FGF13: variants seen among roughly 807,000 people sequenced by gnomAD.
The protein encoded by FGF13 is fibroblast growth factor 13.
In FGF13, 2 loss-of-function variants were observed where a neutral mutation model predicts 19.5. The observed-to-expected ratio is 0.10, with a 90% confidence interval of 0.04 to 0.32. FGF13 has a LOEUF of 0.32. Among genes scored for constraint, FGF13 ranks in the 10% least tolerant of loss-of-function variants. The probability of loss-of-function intolerance (pLI) is 1.00; values close to 1 mark genes in which losing one functional copy is unlikely to be tolerated. For synonymous variants in FGF13, 72 were observed against 76.9 expected, an observed-to-expected ratio of 0.94 and a Z score of 0.33; for missense variants, 113 against 192.7, an observed-to-expected ratio of 0.59 and a Z score of 2.45.
chrX:139,142,414 A>G (rs777319120), intron 1 of FGF13, among the ~76,000 whole-genome samples: 1 of 112,128 alleles, frequency 8.9e-6, no homozygotes, highest in African/African-American at 3.2e-5. Flanking sequence ...AAACTTTCAG[A>G]GAATAGCAAA....
chrX:138,977,729 C>A (rs768127972), intron 1 of FGF13, among the ~76,000 whole-genome samples: 98 of 111,500 alleles, frequency 8.8e-4, no homozygotes, highest in Non-Finnish European at 1.5e-3. Context: ...GGGAGCAGAG[C>A]TAGAGAAAAA....
At chrX:138,771,218 C>T (rs746526317) in intron 3 of FGF13, among the ~76,000 whole-genome samples, 1 of 111,883 alleles carries the variant, frequency 8.9e-6, no homozygotes, top group Admixed American at 9.5e-5. Context: ...CAGCTGATAA[C>T]CCATTCACCA....
At chrX:139,062,760 C>A (rs1253733068) in intron 1 of FGF13, among the ~76,000 whole-genome samples, 1 of 112,008 alleles carries the variant, frequency 8.9e-6, no homozygotes, top group Middle Eastern at 4.2e-3. Flanking sequence ...ACTAGATGGA[C>A]TTCTTGCTTG....
chrX:138,755,993 A>T (rs2090429245), intron 3 of FGF13, among the ~76,000 whole-genome samples: 1 of 111,964 alleles, frequency 8.9e-6, no homozygotes, highest in Non-Finnish European at 1.9e-5. Flanking sequence ...ATATTAGGAC[A>T]TACAAAGAGA....
intron 1 of FGF13, among the ~76,000 whole-genome samples, chrX:139,158,053 A>C (rs1367560849): frequency 8.9e-6 from 1 of 111,888 alleles, no homozygotes; most frequent in African/African-American, 3.3e-5. Flanking sequence ...GGAATGTGCC[A>C]TGCGGAATGG....
chrX:138,952,237 C>T, intron 1 of FGF13, among the ~76,000 whole-genome samples: 1 of 111,356 alleles, frequency 9.0e-6, no homozygotes, highest in Middle Eastern at 4.7e-3. Flanking sequence ...GAGATATACA[C>T]CAACGGAGCA....
chrX:139,022,449 A>C (rs769846895), intron 1 of FGF13, among the ~76,000 whole-genome samples: 45 of 111,817 alleles, frequency 4.0e-4, no homozygotes, highest in Non-Finnish European at 6.2e-4. Context: ...CAGTAATCAC[A>C]TCCAATATTT....
At position 138,638,527 on chromosome X, in the gene FGF13, C is replaced by G. The variant is rs141338816; in HGVS notation, c.403-2872G>C. Among the ~76,000 whole-genome samples the G allele has an allele frequency of 5.0e-3, 562 of 111,894 alleles. 6 individuals carry two copies. Among genetic ancestry groups the G allele is most frequent in the African/African-American group, 0.018 (538 of 30,739 alleles). On this transcript the variant is annotated intron_variant, in intron 3 of 4. Transcript: ENST00000315930. ...CTACATCTCTAGCATGGCCCTGTGACTCATACAACTGTATGATTAGCTCCA... is the reference window on the plus strand; with the variant it reads ...CTACATCTCTAGCATGGCCCTGTGAGTCATACAACTGTATGATTAGCTCCA...
chrX:138,914,521 C>T (rs1000955025), intron 1 of FGF13, among the ~76,000 whole-genome samples: 16 of 110,275 alleles, frequency 1.5e-4, no homozygotes, highest in Non-Finnish European at 3.0e-4. Context: ...TTCATCTCTG[C>T]GTTTTTCTTT....
At chrX:138,954,374 T>C (rs2091830816) in intron 1 of FGF13, among the ~76,000 whole-genome samples, 1 of 111,825 alleles carries the variant, frequency 8.9e-6, no homozygotes, top group African/African-American at 3.2e-5. Flanking sequence ...CAGAAAGTGA[T>C]TCAAGTTGCA....
At chrX:138,828,440 G>C (rs1428694249) in intron 3 of FGF13, among the ~76,000 whole-genome samples, 37 of 110,011 alleles carry the variant, frequency 3.4e-4, no homozygotes, top group African/African-American at 1.2e-3. Flanking sequence ...CGTGGTGGCG[G>C]GCGCCTGTAG....
chrX:138,846,264 G>C (rs2091182663), intron 3 of FGF13, among the ~76,000 whole-genome samples: 1 of 107,060 alleles, frequency 9.3e-6, no homozygotes, highest in Non-Finnish European at 1.9e-5. Context: ...CCACAAAGGG[G>C]CATGTTTCCC....
chrX:139,187,228 A>G (rs752252161), intron 1 of FGF13, among the ~76,000 whole-genome samples: 4 of 113,016 alleles, frequency 3.5e-5, no homozygotes, highest in Non-Finnish European at 7.5e-5. Context: ...ACTGCTGGAG[A>G]CAAAGCAGAA....
intron 1 of FGF13, among the ~76,000 whole-genome samples, chrX:139,159,655 C>CAAAA (rs550001786): frequency 5.8e-5 from 3 of 51,666 alleles, no homozygotes; most frequent in African/African-American, 1.5e-4. Flanking sequence ...AAAGAGAAAG[C>CAAAA]AAAAAAAAAA....
intron 1 of FGF13, among the ~76,000 whole-genome samples, chrX:138,991,081 A>G (rs1318842079): frequency 8.9e-6 from 1 of 112,153 alleles, no homozygotes; most frequent in Non-Finnish European, 1.9e-5. Flanking sequence ...GCTCGAAGTC[A>G]AACTATCAAG....
Position 139,117,670 on chromosome X carries a change from C to A in FGF13, c.-113+85746G>T, listed in dbSNP as rs750157315. The stretch of plus-strand genomic sequence containing the variant: ...CTCTCCTGTTAATTCCTGTTACTAT[C>A]ATTAGTTTTAAATGAGAAGCACAGC... On this transcript the variant is annotated intron_variant, in intron 1 of 2. Transcript: ENST00000421460. Among the ~76,000 whole-genome samples, 3 of 111,471 alleles carry A rather than the reference C, an allele frequency of 2.7e-5. No homozygotes were observed. The South Asian group carries it at 1.1e-3, about 42-fold the overall frequency.
chrX:139,135,957 A>C (rs1269534556), intron 1 of FGF13, among the ~76,000 whole-genome samples: 2 of 111,998 alleles, frequency 1.8e-5, no homozygotes, highest in Admixed American at 1.9e-4. Flanking sequence ...TTAAATCTAA[A>C]ATTATTTAGA....
chrX:139,039,126 C>T (rs1001582689), intron 1 of FGF13, among the ~76,000 whole-genome samples: 6 of 111,988 alleles, frequency 5.4e-5, no homozygotes, highest in African/African-American at 1.9e-4. Context: ...GTTTATTGAG[C>T]ACTTAATTTG....
At chrX:139,067,981 T>G (rs1389500431) in intron 1 of FGF13, among the ~76,000 whole-genome samples, 2 of 104,642 alleles carry the variant, frequency 1.9e-5, no homozygotes, top group Non-Finnish European at 3.9e-5. Flanking sequence ...CAGAAGCTCT[T>G]TAGTTTAATT....
Sources: gnomAD v4.1 joint callset for allele counts (sites outside exome capture counted in the v4.1 genomes callset) on GRCh38, gnomAD v4.1.1 for gene constraint, MANE v1.5 for transcripts, NCBI Gene and HGNC (gene_info 2026-07-23, HGNC 2026-07-21) for gene names.